Variants in ZNF23 observed in about 807,000 individuals in gnomAD.
ZNF23 encodes the protein zinc finger protein 23.
A neutral mutation model predicts 56.2 loss-of-function variants in ZNF23; 48 were observed. The observed-to-expected ratio is 0.85, with a 90% CI of 0.68 to 1.09. ZNF23 has a LOEUF of 1.09. Ranked by LOEUF, ZNF23 falls within the 50% of genes least tolerant of loss-of-function variation. The pLI, the probability that ZNF23 is intolerant of heterozygous loss-of-function variation, is 0.00. For missense variants in ZNF23, 805 were observed against 811.4 expected, an observed-to-expected ratio of 0.99 and a Z score of 0.10; for synonymous variants, 266 against 283.3, an observed-to-expected ratio of 0.94 and a Z score of 0.61.
chr16:71,457,085 A>T (rs1277783611), intron 1 of ZNF23, among the ~76,000 whole-genome samples: 4 of 152,296 alleles, frequency 2.6e-5, no homozygotes, highest in African/African-American at 9.6e-5. Flanking sequence ...TATATATATA[A>T]AATTTAAAAA....
intron 1 of ZNF23, among the ~76,000 whole-genome samples, chr16:71,459,544 G>T (rs1158624232): frequency 6.6e-6 from 1 of 152,162 alleles, no homozygotes; most frequent in Non-Finnish European, 1.5e-5. Context: ...CCACCTTCTT[G>T]AGGTTGCATG....
In ZNF23 at chr16:71,449,200, C is replaced by G. The variant is rs768144012; in HGVS notation, c.954G>C (p.Thr318=). The G allele has an allele frequency of 6.2e-7, 1 of 1,613,800 alleles. No homozygotes were observed. The highest frequency in any genetic ancestry group is 1.7e-5 in the Admixed American group (1 of 59,996). The change falls in exon 5 of 5, where the codon ACG becomes ACC. Residue 318 remains threonine (T), a synonymous_variant. Transcript: ENST00000647773. ...CCTTGCACTGATAGGGCTTCTCTCC[C>G]GTATGGATTCTCTGATGCCTACTTA... The part of the protein sequence containing the change: ...GSLSRHQRIH[T]GEKPYQCKEC...
In ZNF23 at chr16:71,449,136, T is replaced by A. The variant is rs1198347980; in HGVS notation, c.1018A>T (p.Thr340Ser). 6.2e-7 allele frequency: 1 copy of A among 1,614,208 alleles called. No individual in the cohort carries two copies. The highest frequency in any genetic ancestry group is 1.6e-4 in the Middle Eastern group (1 of 6,062). Residue 340 changes from threonine (T) to serine (S), a missense_variant, in exon 5 of 5, where the codon ACA becomes TCA. Physicochemically the swap from Thr to Ser is moderately conservative, Grantham distance 58. Transcript: ENST00000647773. ...TCTCCAGTGTGGACTCTCTGATGTG[T>A]AATATATGCAGAACTACAGCTGAAG... ...NGFSCSSAYI[T>S]HQRVHTGEKP...
At chr16:71,453,105 C>G in intron 4 of ZNF23, 138 bp downstream of exon 4, 4 of 598,790 alleles carry the variant, frequency 6.7e-6, no homozygotes, top group Non-Finnish European at 1.2e-5. Flanking sequence ...CTACCTATCT[C>G]TATGAATCAT....
intron 4 of ZNF23, chr16:71,450,705 C>T (rs149122642): frequency 3.8e-4 from 155 of 408,116 alleles, no homozygotes; most frequent in African/African-American, 3.2e-3. Context: ...GGCGACAGAG[C>T]GAGACTCCAT....
At chr16:71,453,807 T>C (rs1207737129) in intron 3 of ZNF23, 2 of 583,766 alleles carry the variant, frequency 3.4e-6, no homozygotes, top group Admixed American at 3.1e-5. Context: ...TTCCAAAACA[T>C]AGCTTTCATG....
chr16:71,453,257 T>C lies in ZNF23; in HGVS notation c.254A>G (p.Gln85Arg). 6.2e-7 allele frequency: 1 copy of C among 1,607,364 alleles called. No homozygotes were observed. Among genetic ancestry groups the C allele is most frequent in the East Asian group, 2.2e-5 (1 of 44,786 alleles). Residue 85 changes from glutamine (Q) to arginine (R), a missense_variant, in exon 4 of 5, where the codon CAG becomes CGG. Coordinates refer to ENST00000647773, the MANE Select transcript of ZNF23 (RefSeq NM_001381984.1). ...SSPLAAGTGL[Q>R]GLQTVDIQTD... ...ACCTCCCTTACCAGTCTGGAGGCCC[T>C]GGAGGCCTGTTCCTGCAGCCAGTGG...
At position 71,453,270 on chromosome 16, in the gene ZNF23, CTGCAGCCAGTGGAGA is replaced by C; in HGVS notation, c.226_240del (p.Ser76_Ala80del). 1 of 1,609,004 alleles carries C rather than the reference CTGCAGCCAGTGGAGA, an allele frequency of 6.2e-7. No individual in the cohort carries two copies. The highest frequency in any genetic ancestry group is 8.5e-7 in the Non-Finnish European group (1 of 1,177,490). On this transcript the variant is annotated inframe_deletion, in exon 4 of 5. Transcript: ENST00000647773. ...GTCTGGAGGCCCTGGAGGCCTGTTC[CTGCAGCCAGTGGAGA>C]TGAGCCCCCCAGCTCACTTCCTCCC...
chr16:71,457,169 C>A (rs1461622377), intron 1 of ZNF23, among the ~76,000 whole-genome samples: 1 of 152,136 alleles, frequency 6.6e-6, no homozygotes, highest in African/African-American at 2.4e-5. Context: ...GTGGCTCGTG[C>A]CTATAATCCC....
chr16:71,450,167 A>G (rs1372396792), intron 4 of ZNF23: 5 of 256,174 alleles, frequency 2.0e-5, no homozygotes, highest in Non-Finnish European at 3.6e-5. Flanking sequence ...CAGCTGTGTA[A>G]AGAAAAATAT....
At chr16:71,456,516 T>C (rs1330175353) in intron 2 of ZNF23, among the ~76,000 whole-genome samples, 2 of 152,124 alleles carry the variant, frequency 1.3e-5, no homozygotes, top group African/African-American at 4.8e-5. Flanking sequence ...GGGGTGCTCC[T>C]GTAGAGAGGA....
Position 71,449,670 on chromosome 16 carries a change from C to G in ZNF23, c.484G>C (p.Glu162Gln), listed in dbSNP as rs1028765371. Residue 162 changes from glutamate to glutamine, a missense_variant, in exon 5 of 5, where the codon GAG becomes CAG. Physicochemically the swap from Glu to Gln is conservative, Grantham distance 29. Transcript: ENST00000647773. ...TTTGAACTTTGACTAAAAAAACACT[C>G]CTCCACGGGGCTTGTCTCATCTTTC... ...TVKDETSPVE[E>Q]CFFSQSSNSY... The G allele has an allele frequency of 6.2e-7, 1 of 1,613,746 alleles. No individual in the cohort carries two copies.
chr16:71,454,195 A>G, intron 2 of ZNF23, 27 bp from the exon 3 acceptor site: 1 of 1,605,706 alleles, frequency 6.2e-7, no homozygotes, highest in Non-Finnish European at 8.5e-7. Flanking sequence ...CTGCTGCCCT[A>G]GGGCCAATTC....
intron 3 of ZNF23, 135 bp from the exon 4 acceptor site, chr16:71,453,485 G>A (rs909455783): frequency 2.0e-5 from 13 of 652,594 alleles, no homozygotes; most frequent in South Asian, 9.4e-5. Flanking sequence ...TCAGGACTAC[G>A]GGAAAGTACT....
chr16:71,461,247 G>C (rs561601220), intron 1 of ZNF23, among the ~76,000 whole-genome samples: 2 of 152,030 alleles, frequency 1.3e-5, no homozygotes, highest in Non-Finnish European at 2.9e-5. Context: ...TAATTGGGTG[G>C]TGTGTTCATG....
chr16:71,454,920 G>T (rs2043173239), intron 2 of ZNF23, among the ~76,000 whole-genome samples: 1 of 152,140 alleles, frequency 6.6e-6, no homozygotes, highest in Non-Finnish European at 1.5e-5. Context: ...ACTCAGGGAC[G>T]CTTCGTGTCA....
At chr16:71,453,165 T>C in intron 4 of ZNF23, 78 bp downstream of exon 4, 1 of 1,017,164 alleles carries the variant, frequency 9.8e-7, no homozygotes, top group Non-Finnish European at 1.5e-6. Flanking sequence ...AAACACAGTA[T>C]GTTTATATGT....
In ZNF23 at chr16:71,449,845, A is replaced by G. The variant is rs766391603; in HGVS notation, c.309T>C (p.Tyr103=). 2.5e-6 allele frequency: 4 copies of G among 1,608,652 alleles called. No individual in the cohort carries two copies. The highest frequency in any genetic ancestry group is 3.4e-6 in the Non-Finnish European group (4 of 1,178,614). The change falls in exon 5 of 5, where the codon TAT becomes TAC. Residue 103 remains tyrosine (Y), a synonymous_variant. Transcript: ENST00000647773. ...QTDNDLTKEM[Y]EGKENVSFEL... is the part of the protein sequence containing the mutation. ...CAAATGATACATTCTCTTTTCCTTCATACATTTCCTTTGTCAAATCATTGT... is the reference window on the plus strand; with the variant it reads ...CAAATGATACATTCTCTTTTCCTTCGTACATTTCCTTTGTCAAATCATTGT...
chr16:71,450,577 G>C (rs1047205210), intron 4 of ZNF23: 18 of 338,934 alleles, frequency 5.3e-5, no homozygotes, highest in Non-Finnish European at 9.5e-5. Context: ...AAATTAGCCG[G>C]GTGTGGTGGT....
Sources: gnomAD v4.1 joint callset for allele counts (sites outside exome capture counted in the v4.1 genomes callset) on GRCh38, gnomAD v4.1.1 for gene constraint, MANE v1.5 for transcripts, NCBI Gene and HGNC (gene_info 2026-07-23, HGNC 2026-07-21) for gene names.